PRP4K: variants seen among roughly 807,000 people sequenced by gnomAD.
PRP4K encodes the protein pre-mRNA processing factor kinase PRP4K.
At chr6:4,040,620 TA>T in the PRP4K span, 8 of 830,080 alleles carry the variant, frequency 9.6e-6, no homozygotes, top group Non-Finnish European at 1.4e-5. Flanking sequence ...ACGACCTTTT[TA>T]AAAAATAGAC....
the PRP4K span, chr6:4,044,121 AAGATT>A: frequency 1.9e-6 from 2 of 1,036,296 alleles, no homozygotes; most frequent in Non-Finnish European, 1.4e-6. Flanking sequence ...GGAAAAGTAA[AAGATT>A]AGACATGTTG....
At chr6:4,038,827 C>T in the PRP4K span, among the ~76,000 whole-genome samples, 1 of 151,518 alleles carries the variant, frequency 6.6e-6, no homozygotes, top group African/African-American at 2.4e-5. Context: ...TTATGTGCCT[C>T]GGTATGTAGA....
At chr6:4,022,304 G>GAAA in the PRP4K span, among the ~76,000 whole-genome samples, 11 of 137,384 alleles carry the variant, frequency 8.0e-5, no homozygotes, top group African/African-American at 2.6e-4. Flanking sequence ...AATGAAAAAT[G>GAAA]AAAAAAAAAA....
the PRP4K span, chr6:4,043,947 T>C: frequency 6.2e-7 from 1 of 1,614,186 alleles, no homozygotes; most frequent in Non-Finnish European, 8.5e-7. Context: ...TTAAAGAGTA[T>C]GAACGGGAAA....
the PRP4K span, among the ~76,000 whole-genome samples, chr6:4,040,118 TC>T: frequency 6.6e-6 from 1 of 151,628 alleles, no homozygotes; most frequent in Non-Finnish European, 1.5e-5. Context: ...ACTCCCGAGC[TC>T]CCTGCCTGCC....
the PRP4K span, among the ~76,000 whole-genome samples, chr6:4,048,802 TTG>T: frequency 6.2e-4 from 93 of 149,034 alleles, 1 homozygote; most frequent in Middle Eastern, 3.4e-3. Flanking sequence ...GGAGGGGTTT[TTG>T]TTTTTTTTTT....
chr6:4,054,664 G>C, the PRP4K span, among the ~76,000 whole-genome samples: 38 of 152,100 alleles, frequency 2.5e-4, no homozygotes, highest in Admixed American at 3.3e-4. Flanking sequence ...GGGCCACCAC[G>C]CCCAGCTAAT....
the PRP4K span, among the ~76,000 whole-genome samples, chr6:4,028,249 G>A: frequency 7.2e-5 from 11 of 152,282 alleles, no homozygotes; most frequent in South Asian, 1.2e-3. Flanking sequence ...GGAGTGCAGT[G>A]CATGATCATG....
the PRP4K span, among the ~76,000 whole-genome samples, chr6:4,028,253 G>C: frequency 6.6e-6 from 1 of 152,046 alleles, no homozygotes; most frequent in African/African-American, 2.4e-5. Context: ...TGCAGTGCAT[G>C]ATCATGACTC....
At chr6:4,046,917 C>G in the PRP4K span, among the ~76,000 whole-genome samples, 8 of 152,170 alleles carry the variant, frequency 5.3e-5, no homozygotes, top group Non-Finnish European at 1.0e-4. Context: ...CTCAGCCTCC[C>G]AAAGTGCTGG....
At chr6:4,027,711 C>T in the PRP4K span, among the ~76,000 whole-genome samples, 1 of 151,652 alleles carries the variant, frequency 6.6e-6, no homozygotes, top group Non-Finnish European at 1.5e-5. Flanking sequence ...TTGTTTTCTC[C>T]GTCATGTAGA....
the PRP4K span, among the ~76,000 whole-genome samples, chr6:4,055,359 A>G: frequency 6.6e-6 from 1 of 152,240 alleles, no homozygotes; most frequent in Non-Finnish European, 1.5e-5. Context: ...CCAAGATGAA[A>G]AGAATAGTAA....
At chr6:4,049,300 A>G in the PRP4K span, 2 of 559,952 alleles carry the variant, frequency 3.6e-6, no homozygotes, top group Non-Finnish European at 3.1e-6. Context: ...TCACAAATGG[A>G]GTGAGGTAAA....
At chr6:4,043,777 T>G in the PRP4K span, 5 of 1,591,406 alleles carry the variant, frequency 3.1e-6, no homozygotes, top group Non-Finnish European at 4.3e-6. Flanking sequence ...AGCATCCAAT[T>G]TTATGAAAGT....
the PRP4K span, among the ~76,000 whole-genome samples, chr6:4,024,287 T>A: frequency 6.6e-6 from 1 of 152,134 alleles, no homozygotes; most frequent in South Asian, 2.1e-4. Flanking sequence ...GAGGATCATT[T>A]GAGCCTAGGA....
the PRP4K span, among the ~76,000 whole-genome samples, chr6:4,041,920 T>A: frequency 1.3e-5 from 2 of 152,152 alleles, no homozygotes; most frequent in African/African-American, 4.8e-5. Context: ...GCAGGTAAGA[T>A]CATTGAAAAA....
At chr6:4,031,454 C>T in the PRP4K span, 1 of 872,446 alleles carries the variant, frequency 1.1e-6, no homozygotes. Context: ...TGACTGACTT[C>T]ATGTATTACA....
the PRP4K span, chr6:4,021,434 C>G: frequency 2.5e-6 from 4 of 1,584,962 alleles, no homozygotes; most frequent in Non-Finnish European, 3.4e-6. Flanking sequence ...AGATGGCCGC[C>G]GCGGAGACCC....
the PRP4K span, among the ~76,000 whole-genome samples, chr6:4,025,614 T>G: frequency 1.3e-5 from 2 of 152,220 alleles, no homozygotes; most frequent in Admixed American, 1.3e-4. Context: ...TGGAAACTAG[T>G]CACTCATGGG....
Sources: allele counts gnomAD v4.1 joint callset (sites outside exome capture counted in the v4.1 genomes callset), GRCh38; gene constraint gnomAD v4.1.1; transcripts MANE v1.5; gene names NCBI Gene and HGNC (gene_info 2026-07-23, HGNC 2026-07-21).